Variants in HYCC1 observed in about 807,000 individuals in gnomAD.
HYCC1 encodes hyccin.
At chr7:22,933,562 G>A in the HYCC1 span, among the ~76,000 whole-genome samples, 2 of 151,776 alleles carry the variant, frequency 1.3e-5, no homozygotes, top group Non-Finnish European at 2.9e-5. Context: ...TTTGTGTCTT[G>A]TGTCTTTGAA....
chr7:22,962,107 T>G, the HYCC1 span, among the ~76,000 whole-genome samples: 2 of 151,952 alleles, frequency 1.3e-5, no homozygotes, highest in South Asian at 4.2e-4. Flanking sequence ...TTCTCAAGAA[T>G]CCATCAAAGA....
the HYCC1 span, among the ~76,000 whole-genome samples, chr7:22,906,883 A>T: frequency 6.6e-6 from 1 of 151,968 alleles, no homozygotes; most frequent in African/African-American, 2.4e-5. Context: ...TAAAAATTGA[A>T]AAAGAATTAA....
the HYCC1 span, among the ~76,000 whole-genome samples, chr7:23,002,436 C>A: frequency 6.6e-6 from 1 of 151,904 alleles, no homozygotes; most frequent in African/African-American, 2.4e-5. Context: ...CATGAAGAAG[C>A]AACCAGGGAG....
the HYCC1 span, chr7:22,983,788 A>C: frequency 1.7e-6 from 1 of 598,858 alleles, no homozygotes; most frequent in Non-Finnish European, 3.0e-6. Context: ...GTAATAAATT[A>C]TATTTCTTGG....
the HYCC1 span, among the ~76,000 whole-genome samples, chr7:22,911,252 G>C: frequency 6.6e-6 from 1 of 152,188 alleles, no homozygotes; most frequent in Non-Finnish European, 1.5e-5. Context: ...GAGCAACATT[G>C]TGTAGGCTGG....
the HYCC1 span, among the ~76,000 whole-genome samples, chr7:22,957,706 G>A: frequency 6.6e-6 from 1 of 151,970 alleles, no homozygotes; most frequent in Non-Finnish European, 1.5e-5. Context: ...TTGGTGTGGT[G>A]AGGGAATAGT....
At chr7:22,934,445 G>A in the HYCC1 span, 1 of 151,734 alleles carries the variant, frequency 6.6e-6, no homozygotes, top group South Asian at 2.1e-4. Flanking sequence ...TCTCTTCTTG[G>A]GCCTTTTACC....
the HYCC1 span, among the ~76,000 whole-genome samples, chr7:22,952,647 C>G: frequency 6.6e-6 from 1 of 151,946 alleles, no homozygotes; most frequent in Non-Finnish European, 1.5e-5. Flanking sequence ...ATTTGCATAT[C>G]TTTCATACTT....
chr7:22,978,975 C>A, the HYCC1 span, among the ~76,000 whole-genome samples: 1 of 152,104 alleles, frequency 6.6e-6, no homozygotes, highest in East Asian at 1.9e-4. Flanking sequence ...GTAAGACCCT[C>A]TTATAGGTAA....
the HYCC1 span, among the ~76,000 whole-genome samples, chr7:22,923,846 T>C: frequency 6.6e-6 from 1 of 151,838 alleles, no homozygotes; most frequent in East Asian, 1.9e-4. Context: ...AGGTACAAAC[T>C]ACCGAAAATG....
chr7:22,901,971 A>G, the HYCC1 span, among the ~76,000 whole-genome samples: 1 of 152,178 alleles, frequency 6.6e-6, no homozygotes, highest in Non-Finnish European at 1.5e-5. Flanking sequence ...ATTGCAGAAT[A>G]CATATCCTCT....
At chr7:22,995,991 A>G in the HYCC1 span, among the ~76,000 whole-genome samples, 1 of 152,118 alleles carries the variant, frequency 6.6e-6, no homozygotes, top group Non-Finnish European at 1.5e-5. Context: ...AAAAGTAAGA[A>G]TATCTTTAGA....
At chr7:23,008,067 G>A in the HYCC1 span, among the ~76,000 whole-genome samples, 5 of 152,056 alleles carry the variant, frequency 3.3e-5, no homozygotes, top group Non-Finnish European at 7.4e-5. Context: ...TCTGATCAAT[G>A]TCCTAAGAAA....
chr7:22,976,331 A>G, the HYCC1 span: 3 of 1,519,806 alleles, frequency 2.0e-6, no homozygotes, highest in Admixed American at 5.0e-5. Flanking sequence ...AAGAATATTA[A>G]CAAATCTTTA....
At chr7:22,971,665 G>A in the HYCC1 span, among the ~76,000 whole-genome samples, 1 of 108,888 alleles carries the variant, frequency 9.2e-6, no homozygotes, top group African/African-American at 3.6e-5. Flanking sequence ...AACAGAGCAA[G>A]ACCCCATCTC....
At chr7:22,908,124 T>C in the HYCC1 span, among the ~76,000 whole-genome samples, 1 of 152,212 alleles carries the variant, frequency 6.6e-6, no homozygotes, top group East Asian at 1.9e-4. Flanking sequence ...TTTATAATTT[T>C]GTTTTAGTAG....
the HYCC1 span, among the ~76,000 whole-genome samples, chr7:22,899,796 T>G: frequency 9.9e-4 from 151 of 152,350 alleles, no homozygotes; most frequent in African/African-American, 3.5e-3. Flanking sequence ...ACTACCTTCT[T>G]TTTAAAATGG....
At chr7:22,935,649 A>C in the HYCC1 span, 1 of 151,856 alleles carries the variant, frequency 6.6e-6, no homozygotes, top group South Asian at 2.1e-4. Context: ...CTAGATTTTC[A>C]TGTTTATTTA....
chr7:22,992,063 T>C, the HYCC1 span, among the ~76,000 whole-genome samples: 3 of 151,872 alleles, frequency 2.0e-5, no homozygotes, highest in Non-Finnish European at 4.4e-5. Context: ...TTGTGAGGAG[T>C]ACATTTTAAA....
Sources: allele counts gnomAD v4.1 joint callset (sites outside exome capture counted in the v4.1 genomes callset), GRCh38; gene constraint gnomAD v4.1.1; transcripts MANE v1.5; gene names NCBI Gene and HGNC (gene_info 2026-07-23, HGNC 2026-07-21).